STPG2: variants seen among roughly 807,000 people sequenced by gnomAD.
The protein encoded by STPG2 is sperm tail PG-rich repeat containing 2.
STPG2 carries 56 observed loss-of-function variants against 54.2 expected under a neutral mutation model. The ratio of observed to expected loss-of-function variants is 1.03; its 90% CI spans 0.83 to 1.29. The LOEUF (loss-of-function observed/expected upper bound fraction) is 1.29. Among genes scored for constraint, STPG2 ranks in the 50% most tolerant of loss-of-function variants. The pLI is 0.00. For missense variants in STPG2, 596 were observed against 544.9 expected, an observed-to-expected ratio of 1.09 and a Z score of -0.93; for synonymous variants, 200 against 181.8, an observed-to-expected ratio of 1.10 and a Z score of -0.81.
intron 8 of STPG2, among the ~76,000 whole-genome samples, chr4:97,843,515 CATT>C (rs1728860877): frequency 6.6e-6 from 1 of 152,058 alleles, no homozygotes; most frequent in Admixed American, 6.6e-5. Context: ...TTGCTATCAT[CATT>C]GCCATTGGCA....
chr4:97,448,778 T>C (rs907866953), intron 4 of STPG2, among the ~76,000 whole-genome samples: 14 of 152,162 alleles, frequency 9.2e-5, no homozygotes, highest in African/African-American at 3.4e-4. Flanking sequence ...GGTGTTTTTG[T>C]TTGGCTTTTT....
chr4:97,932,882 C>G (rs1348540242), intron 8 of STPG2, among the ~76,000 whole-genome samples: 1 of 152,086 alleles, frequency 6.6e-6, no homozygotes, highest in Non-Finnish European at 1.5e-5. Context: ...ATATATATCC[C>G]AGTAATGGGA....
chr4:98,114,806 C>T (rs1739469950), intron 3 of STPG2, among the ~76,000 whole-genome samples: 1 of 149,574 alleles, frequency 6.7e-6, no homozygotes, highest in African/African-American at 2.5e-5. Context: ...CAATAATATC[C>T]ATTTCATTTA....
At chr4:97,945,543 T>C (rs182365552) in intron 7 of STPG2, among the ~76,000 whole-genome samples, 20 of 151,828 alleles carry the variant, frequency 1.3e-4, no homozygotes, top group African/African-American at 4.9e-4. Flanking sequence ...GTCTTTTTAA[T>C]GTATTGACTT....
chr4:97,978,484 G>A (rs1734566264), intron 6 of STPG2, among the ~76,000 whole-genome samples: 1 of 152,086 alleles, frequency 6.6e-6, no homozygotes. Context: ...ACATAGAGAG[G>A]AACCACAGAC....
chr4:97,797,823 T>G (rs1425046504), intron 9 of STPG2, among the ~76,000 whole-genome samples: 2 of 152,152 alleles, frequency 1.3e-5, no homozygotes, highest in African/African-American at 2.4e-5. Context: ...GTCCTGGACT[T>G]TTTTTGGTTG....
chr4:97,851,165 C>T lies in STPG2; in HGVS notation c.1045-10233G>A, dbSNP rs73832106. 7.9e-3 allele frequency among the ~76,000 whole-genome samples: 1,207 copies of T among 152,232 alleles called. 14 individuals are homozygous for T. The highest frequency in any genetic ancestry group is 0.027 in the African/African-American group (1,127 of 41,542). ...TTGCAATTAAACAAGTCTCTAATGA[C>T]GTGTTTAATATCACCCATCACCATA... On this transcript the variant is annotated intron_variant, in intron 8 of 10. Coordinates refer to ENST00000295268, the MANE Select transcript of STPG2 (RefSeq NM_174952.3).
At chr4:98,132,467 T>C (rs573859385) in intron 2 of STPG2, among the ~76,000 whole-genome samples, 36 of 152,182 alleles carry the variant, frequency 2.4e-4, no homozygotes, top group African/African-American at 8.7e-4. Flanking sequence ...CTCTCTGGTC[T>C]CTAATACTTT....
chr4:97,745,876 A>T (rs1725407485), intron 9 of STPG2, among the ~76,000 whole-genome samples: 1 of 151,310 alleles, frequency 6.6e-6, no homozygotes, highest in South Asian at 2.1e-4. Context: ...TTGCATTTCA[A>T]TACTTGTAGA....
chr4:97,573,601 G>T (rs1384656601), intron 10 of STPG2, among the ~76,000 whole-genome samples: 1 of 151,942 alleles, frequency 6.6e-6, no homozygotes, highest in Non-Finnish European at 1.5e-5. Context: ...AACTTTAATT[G>T]AAATTGTCTG....
chr4:97,720,521 A>AAAT, intron 9 of STPG2, among the ~76,000 whole-genome samples: 1 of 152,110 alleles, frequency 6.6e-6, no homozygotes, highest in Non-Finnish European at 1.5e-5. Flanking sequence ...TTTGCCAAAC[A>AAAT]AATATCATAT....
chr4:97,713,623 G>A (rs939282177), intron 9 of STPG2, among the ~76,000 whole-genome samples: 5 of 152,184 alleles, frequency 3.3e-5, no homozygotes, highest in Admixed American at 6.5e-5. Flanking sequence ...TCAGGATAGC[G>A]TTCGAGCTCC....
chr4:97,598,578 T>C (rs1235495035), intron 10 of STPG2, among the ~76,000 whole-genome samples: 2 of 147,204 alleles, frequency 1.4e-5, no homozygotes, highest in Non-Finnish European at 3.0e-5. Flanking sequence ...AACAGACATA[T>C]AGAACAATGG....
At chr4:97,761,236 C>T (rs747138947) in intron 9 of STPG2, among the ~76,000 whole-genome samples, 1 of 152,088 alleles carries the variant, frequency 6.6e-6, no homozygotes, top group Non-Finnish European at 1.5e-5. Context: ...AGATTTATTG[C>T]AGATGTTATT....
intron 8 of STPG2, among the ~76,000 whole-genome samples, chr4:97,863,259 G>A (rs569724896): frequency 6.6e-6 from 1 of 152,242 alleles, no homozygotes; most frequent in African/African-American, 2.4e-5. Flanking sequence ...ACATGATGAA[G>A]GGGATATCAC....
intron 4 of STPG2, among the ~76,000 whole-genome samples, chr4:97,525,007 T>A (rs1331487744): frequency 6.6e-6 from 1 of 151,894 alleles, no homozygotes; most frequent in Non-Finnish European, 1.5e-5. Flanking sequence ...ATACTATATT[T>A]CATAGAGACC....
At chr4:97,963,594 G>T (rs1363420988) in intron 7 of STPG2, among the ~76,000 whole-genome samples, 3 of 152,022 alleles carry the variant, frequency 2.0e-5, no homozygotes, top group Non-Finnish European at 4.4e-5. Context: ...GGGCAAGGGT[G>T]CAGTGAGCCA....
At position 97,857,874 on chromosome 4, in the gene STPG2, C is replaced by A. The variant is rs144062901; in HGVS notation, c.1045-16942G>T. On this transcript the variant is annotated intron_variant, in intron 8 of 10. Transcript: ENST00000295268. ...TAATTTAAAAAATCAAGTAGACTTT[C>A]TAGAGTTGAAACATGCAATTGAAAT... Among the ~76,000 whole-genome samples, 112 of 151,996 alleles carry A rather than the reference C, an allele frequency of 7.4e-4. 1 individual carries two copies. Among genetic ancestry groups the A allele is most frequent in the South Asian group, 2.3e-3 (11 of 4,808 alleles).
intron 4 of STPG2, among the ~76,000 whole-genome samples, chr4:97,465,471 C>T (rs941574008): frequency 6.6e-6 from 1 of 151,940 alleles, no homozygotes; most frequent in African/African-American, 2.4e-5. Context: ...ATATGCTTTC[C>T]AGGTTTTTCC....
Sources: gnomAD v4.1 joint callset for allele counts (sites outside exome capture counted in the v4.1 genomes callset) on GRCh38, gnomAD v4.1.1 for gene constraint, MANE v1.5 for transcripts, NCBI Gene and HGNC (gene_info 2026-07-23, HGNC 2026-07-21) for gene names.